KAZN: variants seen among roughly 807,000 people sequenced by gnomAD.
The protein encoded by KAZN is kazrin, periplakin interacting protein.
Under a neutral mutation model 87.4 loss-of-function variants are expected in KAZN, and 40 were observed. That is an observed-to-expected ratio of 0.46 (90% CI 0.36 to 0.60). The LOEUF (loss-of-function observed/expected upper bound fraction) is 0.60, where lower values mean the gene tolerates loss of function less well. KAZN is among the 20% of genes least tolerant of loss of function. The pLI is 0.00. For synonymous variants in KAZN, 466 were observed against 458.3 expected, an observed-to-expected ratio of 1.02 and a Z score of -0.22; for missense variants, 898 against 1,073.9, an observed-to-expected ratio of 0.84 and a Z score of 2.29.
In KAZN at chr1:14,858,266, G is replaced by A. The variant is rs549815508; in HGVS notation, c.227-102418G>A. The stretch of plus-strand genomic sequence containing the variant: ...CTCACTCTGTTGCCCAGGCTGGAGT[G>A]CAGTGGTGCCATCTTGGCTCACCGC... On this transcript the variant is annotated intron_variant, in intron 1 of 14. Coordinates refer to ENST00000376030, the MANE Select transcript of KAZN (RefSeq NM_201628.3). 2.2e-5 allele frequency among the ~76,000 whole-genome samples: 3 copies of A among 134,222 alleles called. No homozygotes were observed. The Admixed American group carries it at 2.5e-4, about 11-fold the overall frequency. 88.1% of individuals were successfully genotyped at this position (134,222 alleles called of 152,430 possible).
At chr1:14,855,938 G>C (rs1446599124) in intron 1 of KAZN, among the ~76,000 whole-genome samples, 1 of 152,218 alleles carries the variant, frequency 6.6e-6, no homozygotes, top group African/African-American at 2.4e-5. Context: ...CAGAGCTACT[G>C]TCAAAGCAGT....
At chr1:13,946,305 T>C (rs1238895662) in intron 1 of KAZN, among the ~76,000 whole-genome samples, 1 of 152,172 alleles carries the variant, frequency 6.6e-6, no homozygotes, top group Non-Finnish European at 1.5e-5. Context: ...ACAGAATGCA[T>C]AGAGGCGAAG....
chr1:14,997,180 C>CT (rs1667957559), intron 2 of KAZN, among the ~76,000 whole-genome samples: 1 of 151,308 alleles, frequency 6.6e-6, no homozygotes, highest in Non-Finnish European at 1.5e-5. Context: ...TTCACAGACT[C>CT]TGTTTTCTTT....
chr1:14,744,147 G>A (rs1029848750), intron 1 of KAZN, among the ~76,000 whole-genome samples: 1 of 152,138 alleles, frequency 6.6e-6, no homozygotes, highest in Non-Finnish European at 1.5e-5. Flanking sequence ...CCTTATGTGT[G>A]GGCATCATTA....
chr1:14,889,677 G>A (rs1448991048), intron 1 of KAZN, among the ~76,000 whole-genome samples: 1 of 152,132 alleles, frequency 6.6e-6, no homozygotes, highest in Admixed American at 6.5e-5. Context: ...ACAGCCCACA[G>A]GCCAAATCCA....
intron 2 of KAZN, among the ~76,000 whole-genome samples, chr1:14,478,418 G>A (rs1376678108): frequency 1.3e-5 from 2 of 152,112 alleles, no homozygotes; most frequent in East Asian, 1.9e-4. Context: ...AAGGTTGGAC[G>A]GATGGGTGGA....
chr1:13,903,355 A>T (rs1376044554), intron 1 of KAZN, among the ~76,000 whole-genome samples: 1 of 152,206 alleles, frequency 6.6e-6, no homozygotes, highest in African/African-American at 2.4e-5. Context: ...CTGGACTTTC[A>T]TCTGAAAAGT....
At chr1:14,668,076 CTA>C (rs1288037880) in intron 1 of KAZN, among the ~76,000 whole-genome samples, 3 of 152,154 alleles carry the variant, frequency 2.0e-5, no homozygotes. Context: ...CTTTCAAATG[CTA>C]TGATTGTATG....
intron 1 of KAZN, among the ~76,000 whole-genome samples, chr1:14,025,611 C>A (rs1411883015): frequency 6.6e-6 from 1 of 152,188 alleles, no homozygotes; most frequent in Non-Finnish European, 1.5e-5. Flanking sequence ...ATCCAATAAA[C>A]CTTCTGCCAT....
At position 14,825,516 on chromosome 1, in the gene KAZN, C is replaced by T. The variant is rs577401213; in HGVS notation, c.227-135168C>T. On this transcript the variant is annotated intron_variant, in intron 1 of 14. Coordinates refer to ENST00000376030, the MANE Select transcript of KAZN (RefSeq NM_201628.3). The stretch of plus-strand genomic sequence containing the variant: ...TGTGCCTCCAGGCATGAGGGCTTTT[C>T]GTGTATAATTCACATCATCCTCACA... Among the ~76,000 whole-genome samples, 19 of 152,262 alleles carry T rather than the reference C, an allele frequency of 1.2e-4. No individual in the cohort carries two copies. In the East Asian group the frequency reaches 2.7e-3, roughly 22 times the overall value.
At chr1:14,585,956 C>T (rs189797064) in intron 2 of KAZN, among the ~76,000 whole-genome samples, 34 of 152,300 alleles carry the variant, frequency 2.2e-4, no homozygotes, top group Admixed American at 1.0e-3. Context: ...GCAGCAGCTC[C>T]GTGTGCAAAG....
At chr1:13,984,486 C>T (rs1638914870) in intron 1 of KAZN, among the ~76,000 whole-genome samples, 1 of 152,088 alleles carries the variant, frequency 6.6e-6, no homozygotes, top group Non-Finnish European at 1.5e-5. Context: ...ATATTTTGAC[C>T]TAATAATTCT....
At chr1:14,409,636 C>T (rs1217688351) in intron 2 of KAZN, among the ~76,000 whole-genome samples, 1 of 152,154 alleles carries the variant, frequency 6.6e-6, no homozygotes, top group African/African-American at 2.4e-5. Context: ...GAGAGACATG[C>T]ACCTTCAACC....
At chr1:14,857,946 A>T (rs1046160636) in intron 1 of KAZN, among the ~76,000 whole-genome samples, 1 of 152,144 alleles carries the variant, frequency 6.6e-6, no homozygotes, top group Admixed American at 6.5e-5. Flanking sequence ...ACCTATGAGT[A>T]GTCATTTCTT....
intron 1 of KAZN, among the ~76,000 whole-genome samples, chr1:14,919,884 C>G (rs1658307102): frequency 6.6e-6 from 1 of 152,148 alleles, no homozygotes; most frequent in Non-Finnish European, 1.5e-5. Context: ...GAGCAATAGA[C>G]TATACCATAT....
At chr1:14,958,195 G>T (rs889623781) in intron 1 of KAZN, among the ~76,000 whole-genome samples, 1 of 152,214 alleles carries the variant, frequency 6.6e-6, no homozygotes, top group Non-Finnish European at 1.5e-5. Flanking sequence ...CTTAGAGATT[G>T]CCAGCAGGCA....
At chr1:14,370,343 A>G (rs1425970852) in intron 2 of KAZN, among the ~76,000 whole-genome samples, 1 of 152,166 alleles carries the variant, frequency 6.6e-6, no homozygotes, top group Non-Finnish European at 1.5e-5. Context: ...AAGGCTGCCA[A>G]GCTGTTGTTC....
At chr1:14,469,884 G>A (rs78113772) in intron 2 of KAZN, among the ~76,000 whole-genome samples, 10,701 of 152,026 alleles carry the variant, frequency 0.07, 543 homozygotes, top group Non-Finnish European at 0.11. Context: ...CTTCTTTATC[G>A]GTATTCTGTG....
intron 1 of KAZN, among the ~76,000 whole-genome samples, chr1:14,636,543 G>T (rs1680002530): frequency 2.0e-5 from 3 of 152,180 alleles, no homozygotes; most frequent in Admixed American, 2.0e-4. Context: ...CACTCACTGG[G>T]TCCCAGCACT....
Sources: allele counts gnomAD v4.1 joint callset (sites outside exome capture counted in the v4.1 genomes callset), GRCh38; gene constraint gnomAD v4.1.1; transcripts MANE v1.5; gene names NCBI Gene and HGNC (gene_info 2026-07-23, HGNC 2026-07-21).